Variants in PHACTR1 observed in about 807,000 individuals in gnomAD.
PHACTR1 encodes the protein RPEL repeat containing 1.
PHACTR1 carries 16 observed loss-of-function variants against 69.2 expected under a neutral mutation model. The observed-to-expected ratio is 0.23, with a 90% CI of 0.16 to 0.35. PHACTR1 has a LOEUF of 0.35. Among genes scored for constraint, PHACTR1 ranks in the 10% least tolerant of loss-of-function variants. The pLI is 1.00. For missense variants in PHACTR1, 510 were observed against 734.7 expected (o/e 0.69, Z 3.54); for synonymous variants, 312 against 284.5 (o/e 1.10, Z -0.97).
intron 5 of PHACTR1, among the ~76,000 whole-genome samples, chr6:13,071,829 G>A (rs943597084): frequency 5.3e-5 from 8 of 152,294 alleles, no homozygotes; most frequent in Non-Finnish European, 1.0e-4. Flanking sequence ...TCGTTGTGGG[G>A]AAAAGGGGCT....
chr6:13,134,104 G>A (rs961963790), intron 5 of PHACTR1, among the ~76,000 whole-genome samples: 1 of 151,386 alleles, frequency 6.6e-6, no homozygotes, highest in African/African-American at 2.4e-5. Flanking sequence ...CCCGGCAGCC[G>A]CCCTGTCTGG....
chr6:13,040,635 G>A lies in PHACTR1; in HGVS notation c.251-12730G>A, dbSNP rs147037316. Among the ~76,000 whole-genome samples, 264 of 152,192 alleles carry A rather than the reference G, an allele frequency of 1.7e-3. 1 individual carries two copies. The highest frequency in any genetic ancestry group is 6.0e-3 in the African/African-American group (249 of 41,524). ...CCCTCCAGCTGAGACACAGGACCCT[G>A]CCCACCAGCCACCACCCTCGTGTGA... On this transcript the variant is annotated intron_variant, in intron 4 of 14. Coordinates refer to ENST00000332995, the MANE Select transcript of PHACTR1 (RefSeq NM_030948.6).
chr6:13,265,231 G>C (rs1451798859), intron 10 of PHACTR1, among the ~76,000 whole-genome samples: 1 of 152,058 alleles, frequency 6.6e-6, no homozygotes, highest in Non-Finnish European at 1.5e-5. Context: ...GGTGTTGTCA[G>C]TAACAGCCTC....
chr6:12,984,446 G>T (rs1795882443), intron 4 of PHACTR1, among the ~76,000 whole-genome samples: 1 of 152,222 alleles, frequency 6.6e-6, no homozygotes, highest in Non-Finnish European at 1.5e-5. Context: ...TGTTTGGACA[G>T]ATTGAAGAGC....
chr6:12,718,744 G>A lies in PHACTR1; in HGVS notation c.-1G>A. ...AAAACTCTGTGTTTGGAACATCAAG[G>A]ATGGATTATCCCAAAATGGATTATT... On this transcript the variant is annotated 5_prime_UTR_variant, in exon 3 of 15. Coordinates refer to ENST00000332995, the MANE Select transcript of PHACTR1 (RefSeq NM_030948.6). The A allele has an allele frequency of 1.3e-6, 2 of 1,521,304 alleles. No individual in the cohort carries two copies. The highest frequency in any genetic ancestry group is 1.2e-5 in the South Asian group (1 of 80,304). 94.2% of individuals were successfully genotyped at this position (1,521,304 alleles called of 1,614,324 possible).
At chr6:13,185,465 G>GAA (rs11290728) in intron 7 of PHACTR1, among the ~76,000 whole-genome samples, 28 of 142,196 alleles carry the variant, frequency 2.0e-4, no homozygotes, top group Non-Finnish European at 3.4e-4. Context: ...TTCTCTTAGG[G>GAA]AAAAAAAAAA....
chr6:13,013,916 G>A (rs1229613039), intron 4 of PHACTR1, among the ~76,000 whole-genome samples: 1 of 150,488 alleles, frequency 6.6e-6, no homozygotes, highest in African/African-American at 2.4e-5. Flanking sequence ...CAGCGAAGCC[G>A]GGGAGGTTTG....
At chr6:13,219,969 A>C (rs1176777821) in intron 8 of PHACTR1, among the ~76,000 whole-genome samples, 1 of 152,174 alleles carries the variant, frequency 6.6e-6, no homozygotes, top group Non-Finnish European at 1.5e-5. Flanking sequence ...ATCACTGCCG[A>C]GTGATCACTG....
rs373145571 is a variant in PHACTR1 at position 13,262,460 on chromosome 6, A to G, written c.1392-10400A>G. 5.3e-5 allele frequency among the ~76,000 whole-genome samples: 8 copies of G among 152,298 alleles called. No individual in the cohort carries two copies. The East Asian group carries it at 5.8e-4, about 11-fold the overall frequency. ...ATCATCAGCATATTGATGCTATTGG[A>G]AGTCATGAGTGTTGATGAGATCATC... is the stretch of plus-strand genomic sequence containing the variant. On this transcript the variant is annotated intron_variant, in intron 10 of 14. Coordinates refer to ENST00000332995, the MANE Select transcript of PHACTR1 (RefSeq NM_030948.6).
intron 4 of PHACTR1, among the ~76,000 whole-genome samples, chr6:12,845,150 T>A (rs771809371): frequency 8.5e-4 from 130 of 152,348 alleles, no homozygotes; most frequent in Non-Finnish European, 1.6e-3. Flanking sequence ...TGTGGGTTTT[T>A]AAAAAATTTA....
chr6:13,224,955 A>G (rs948834490), intron 8 of PHACTR1, among the ~76,000 whole-genome samples: 2 of 152,224 alleles, frequency 1.3e-5, no homozygotes, highest in Non-Finnish European at 2.9e-5. Context: ...GCGACTTCAC[A>G]TGCACCAGCC....
chr6:13,171,091 G>A (rs1377677869), intron 6 of PHACTR1, among the ~76,000 whole-genome samples: 1 of 152,166 alleles, frequency 6.6e-6, no homozygotes, highest in Non-Finnish European at 1.5e-5. Context: ...GGTTAGCTAT[G>A]GTCTCCACCA....
At chr6:12,778,448 G>T (rs1770369756) in intron 4 of PHACTR1, among the ~76,000 whole-genome samples, 1 of 152,192 alleles carries the variant, frequency 6.6e-6, no homozygotes, top group Non-Finnish European at 1.5e-5. Flanking sequence ...TTTTCTGGAA[G>T]AACACAGGAA....
intron 3 of PHACTR1, among the ~76,000 whole-genome samples, chr6:12,748,346 G>T (rs1231621386): frequency 6.6e-6 from 1 of 152,120 alleles, no homozygotes; most frequent in East Asian, 1.9e-4. Context: ...GGAGAGGGGG[G>T]GCTTGCACAG....
chr6:12,742,294 C>A (rs887654139), intron 3 of PHACTR1, among the ~76,000 whole-genome samples: 1 of 152,146 alleles, frequency 6.6e-6, no homozygotes, highest in South Asian at 2.1e-4. Flanking sequence ...GTTCCTCCCC[C>A]TTTTTAGACC....
At chr6:12,950,428 G>A (rs1451989028) in intron 4 of PHACTR1, among the ~76,000 whole-genome samples, 1 of 152,212 alleles carries the variant, frequency 6.6e-6, no homozygotes, top group East Asian at 1.9e-4. Flanking sequence ...CAGAGAGAGA[G>A]GAATTAGATT....
At chr6:13,033,805 G>T (rs1302382000) in intron 4 of PHACTR1, among the ~76,000 whole-genome samples, 1 of 152,192 alleles carries the variant, frequency 6.6e-6, no homozygotes, top group Non-Finnish European at 1.5e-5. Flanking sequence ...GTCCCATAGA[G>T]TGCCCTAAAC....
At chr6:13,270,128 C>T (rs1777427121) in intron 10 of PHACTR1, among the ~76,000 whole-genome samples, 1 of 152,248 alleles carries the variant, frequency 6.6e-6, no homozygotes, top group African/African-American at 2.4e-5. Flanking sequence ...GTTCTCACAA[C>T]TCCCTCTTTG....
In PHACTR1 at chr6:13,183,613, C is replaced by T. The variant is rs76050526; in HGVS notation, c.664+927C>T. On this transcript the variant is annotated intron_variant, in intron 7 of 14. Transcript: ENST00000332995. ...CAGGGCTTTGGTGCTGCACAGAACA[C>T]CTGATCAGGGAGGAGGAAGGAGGGT... Among the ~76,000 whole-genome samples, 1,350 of 152,082 alleles carry T rather than the reference C, an allele frequency of 8.9e-3. 34 individuals carry two copies. The East Asian group carries it at 0.11, about 12-fold the overall frequency.
Sources: gnomAD v4.1 joint callset for allele counts (sites outside exome capture counted in the v4.1 genomes callset) on GRCh38, gnomAD v4.1.1 for gene constraint, MANE v1.5 for transcripts, NCBI Gene and HGNC (gene_info 2026-07-23, HGNC 2026-07-21) for gene names.